PLA2G2F: variants seen among roughly 807,000 people sequenced by gnomAD.
PLA2G2F encodes group IIF secretory phospholipase A2.
A neutral mutation model predicts 15.9 loss-of-function variants in PLA2G2F; 17 were observed. The ratio of observed to expected loss-of-function variants is 1.07; its 90% confidence interval spans 0.73 to 1.60. The LOEUF is 1.60. Among genes scored for constraint, PLA2G2F ranks in the 40% most tolerant of loss-of-function variants. PLA2G2F has a pLI of 0.00. For missense variants in PLA2G2F, 299 were observed against 278.2 expected (o/e 1.07, Z -0.53); for synonymous variants, 119 against 106.5 (o/e 1.12, Z -0.72).
In PLA2G2F at chr1:20,143,206, CGTT is replaced by C. The variant is rs1308175068; in HGVS notation, c.170-236_170-234del. 3 of 487,354 alleles carry C rather than the reference CGTT, an allele frequency of 6.2e-6. No homozygotes were observed. In the Admixed American group the frequency reaches 1.0e-4, roughly 17 times the overall value. 30.2% of individuals were successfully genotyped at this position (487,354 alleles called of 1,614,324 possible). On this transcript the variant is annotated intron_variant, in intron 2 of 4. Coordinates refer to ENST00000375102, the MANE Select transcript of PLA2G2F (RefSeq NM_022819.4). ...GCAAGTCCCTAGCAAGGATGACCTG[CGTT>C]GTTTTCTCAGGGCCGCAGGGATGTG...
rs1263674472 is a variant in PLA2G2F at position 20,150,181 on chromosome 1, C to T, written c.*1780C>T. The T allele has an allele frequency of 5.9e-5, 9 of 152,214 alleles. No homozygotes were observed. Among genetic ancestry groups the T allele is most frequent in the Admixed American group, 5.2e-4 (8 of 15,294 alleles). 9.4% of individuals were successfully genotyped at this position (152,214 alleles called of 1,614,324 possible). A position where few individuals can be genotyped will look rare whatever the true frequency, so the allele number is the denominator to read the frequency against. ...TCTCCGGCTTGGGGGAACGCAGGTTCCCAGCTGCGCCCCTCCCCCGCGCAC... is the reference window on the plus strand; with the variant it reads ...TCTCCGGCTTGGGGGAACGCAGGTTTCCAGCTGCGCCCCTCCCCCGCGCAC... On this transcript the variant is annotated 3_prime_UTR_variant, in exon 5 of 5. Coordinates refer to ENST00000375102, the MANE Select transcript of PLA2G2F (RefSeq NM_022819.4).
chr1:20,144,742 A>C (rs1569899143), intron 4 of PLA2G2F, 53 bp downstream of exon 4: 1 of 1,414,682 alleles, frequency 7.1e-7, no homozygotes. Context: ...GGCTGGCTCT[A>C]CCAGCCTGTG....
intron 4 of PLA2G2F, among the ~76,000 whole-genome samples, chr1:20,147,091 G>C (rs936068285): frequency 2.0e-5 from 3 of 152,164 alleles, no homozygotes; most frequent in Non-Finnish European, 4.4e-5. Context: ...CTGGTAGAAG[G>C]TATGAAAAGT....
rs866174679 is a variant in PLA2G2F, at chr1:20,140,133, T to C, written c.117-33T>C. The C allele has an allele frequency of 4.3e-6, 7 of 1,610,468 alleles. 1 individual carries two copies. The African/African-American group carries it at 6.7e-5, about 15-fold the overall frequency. ...CCAACACTGCCAAGGGTGGAGGGGATGGACTCAAGCTCCGGGTTTCGTCCT... is the reference window on the plus strand; with the variant it reads ...CCAACACTGCCAAGGGTGGAGGGGACGGACTCAAGCTCCGGGTTTCGTCCT... On this transcript the variant is annotated intron_variant, in intron 1 of 4. Transcript: ENST00000375102.
At chr1:20,145,443 AG>A (rs1489686729) in intron 4 of PLA2G2F, among the ~76,000 whole-genome samples, 4 of 151,856 alleles carry the variant, frequency 2.6e-5, no homozygotes, top group Admixed American at 2.6e-4. Context: ...CACCATGCCC[AG>A]CTACTTTTTA....
At position 20,143,426 on chromosome 1, in the gene PLA2G2F, A is replaced by T; in HGVS notation, c.170-20A>T. The T allele has an allele frequency of 6.2e-7, 1 of 1,609,856 alleles. No homozygotes were observed. The highest frequency in any genetic ancestry group is 8.5e-7 in the Non-Finnish European group (1 of 1,177,098). ...CAGCCCCGGGGCAGGGGCTCAGAGCACCCCCTGGTTCTCTTGCAGTTCTGT... is the reference window on the plus strand; with the variant it reads ...CAGCCCCGGGGCAGGGGCTCAGAGCTCCCCCTGGTTCTCTTGCAGTTCTGT... On this transcript the variant is annotated intron_variant, in intron 2 of 4. Coordinates refer to ENST00000375102, the MANE Select transcript of PLA2G2F (RefSeq NM_022819.4).
intron 2 of PLA2G2F, chr1:20,142,385 T>C (rs1056227736): frequency 1.3e-5 from 2 of 152,298 alleles, no homozygotes; most frequent in Admixed American, 1.3e-4. Context: ...CATAAAATCG[T>C]GATAGATTGG....
At chr1:20,140,030 C>T (rs553024352) in intron 1 of PLA2G2F, 136 bp from the exon 2 acceptor site, 88 of 914,714 alleles carry the variant, frequency 9.6e-5, no homozygotes, top group East Asian at 4.8e-4. Context: ...CTGATGACAG[C>T]GCTAGGAGCA....
intron 2 of PLA2G2F, 30 bp downstream of exon 2, chr1:20,140,248 TC>T: frequency 6.2e-7 from 1 of 1,609,578 alleles, no homozygotes; most frequent in African/African-American, 1.3e-5. Context: ...GGCTCCTCCT[TC>T]TCTCCCACTC....
chr1:20,144,651 A>G lies in PLA2G2F; in HGVS notation c.386A>G (p.Tyr129Cys). 1 of 1,611,588 alleles carries G rather than the reference A, an allele frequency of 6.2e-7. No individual in the cohort carries two copies. The highest frequency in any genetic ancestry group is 1.1e-5 in the South Asian group (1 of 90,384). ...DQGCHPYVDH[Y>C]DHTIENNTEI... Reference sequence around the variant, plus strand: ...GGCTGTCACCCCTATGTGGACCACTATGATCACACCATCGAGAACAACACT... The same window carrying G: ...GGCTGTCACCCCTATGTGGACCACTGTGATCACACCATCGAGAACAACACT... The change falls in exon 4 of 5, where the codon TAT becomes TGT. Residue 129 changes from tyrosine (Y) to cysteine (C), a missense_variant. Tyr to Cys is a radical substitution (Grantham distance 194). Transcript: ENST00000375102.
At position 20,148,279 on chromosome 1, in the gene PLA2G2F, G is replaced by A. The variant is rs1557778528; in HGVS notation, c.514G>A (p.Glu172Lys). ...CCTCATGAACCAGACGTACCGAGAG[G>A]AGTACCGTGGCTTCCTCAATGTCTA... ...LCLMNQTYRE[E>K]YRGFLNVYCQ... The change falls in exon 5 of 5, where the codon GAG becomes AAG. Residue 172 changes from glutamate (E) to lysine (K), a missense_variant. By Grantham distance (56) the Glu-to-Lys change is moderately conservative (BLOSUM62 1). Coordinates refer to ENST00000375102, the MANE Select transcript of PLA2G2F (RefSeq NM_022819.4). 6 of 1,613,930 alleles carry A rather than the reference G, an allele frequency of 3.7e-6. No individual in the cohort carries two copies. Among genetic ancestry groups the A allele is most frequent in the Non-Finnish European group, 5.1e-6 (6 of 1,179,996 alleles).
chr1:20,140,227 A>C lies in PLA2G2F; in HGVS notation c.169+9A>C, dbSNP rs1276507288. The C allele has an allele frequency of 6.2e-7, 1 of 1,613,566 alleles. No individual in the cohort carries two copies. The highest frequency in any genetic ancestry group is 1.7e-5 in the Admixed American group (1 of 59,956). On this transcript the variant is annotated intron_variant, in intron 2 of 4. Coordinates refer to ENST00000375102, the MANE Select transcript of PLA2G2F (RefSeq NM_022819.4). ...CATCCTTGCTGGCAGCGGTGAGTAA[A>C]GACTCCAGAGGGCTCCTCCTTCTCT...
At chr1:20,140,351 T>A in intron 2 of PLA2G2F, 133 bp downstream of exon 2, 1 of 969,564 alleles carries the variant, frequency 1.0e-6, no homozygotes, top group Non-Finnish European at 1.5e-6. Flanking sequence ...GCTTCTTGTC[T>A]CAGCCCAGCA....
Position 20,139,383 on chromosome 1 carries a change from C to T in PLA2G2F, c.-45C>T, listed in dbSNP as rs1302286152. 1.4e-6 allele frequency: 2 copies of T among 1,467,078 alleles called. No homozygotes were observed. Among genetic ancestry groups the T allele is most frequent in the South Asian group, 1.2e-5 (1 of 82,162 alleles). The allele number at this position is 1,467,078 out of a possible 1,614,324, so 90.9% of individuals were successfully genotyped here. ...TCCCCGCAGCCTCTGGAGCGCATCT[C>T]AGACCTTCTGAGACCTATGTTGCTG... On this transcript the variant is annotated 5_prime_UTR_variant, in exon 1 of 5. Transcript: ENST00000375102.
chr1:20,139,387 C>T lies in PLA2G2F; in HGVS notation c.-41C>T. The T allele has an allele frequency of 6.8e-7, 1 of 1,464,956 alleles. No homozygotes were observed. 90.7% of individuals were successfully genotyped at this position (1,464,956 alleles called of 1,614,324 possible). A position where few individuals can be genotyped will look rare whatever the true frequency, so the allele number is the denominator to read the frequency against. On this transcript the variant is annotated 5_prime_UTR_variant, in exon 1 of 5. Transcript: ENST00000375102. ...CGCAGCCTCTGGAGCGCATCTCAGA[C>T]CTTCTGAGACCTATGTTGCTGGCCC... is the stretch of plus-strand genomic sequence containing the variant.
intron 3 of PLA2G2F, chr1:20,144,082 T>C (rs1404419044): frequency 5.4e-6 from 1 of 184,906 alleles, no homozygotes; most frequent in Non-Finnish European, 1.1e-5. Flanking sequence ...ACTAGCTGAC[T>C]TCACGCCCCC....
intron 4 of PLA2G2F, 149 bp from the exon 5 acceptor site, chr1:20,148,041 C>T (rs990052168): frequency 1.5e-6 from 1 of 676,650 alleles, no homozygotes; most frequent in Admixed American, 2.3e-5. Flanking sequence ...GGGGTGGGGC[C>T]CGTGGGTGGT....
At chr1:20,146,727 T>G (rs937618795) in intron 4 of PLA2G2F, among the ~76,000 whole-genome samples, 15 of 152,208 alleles carry the variant, frequency 9.9e-5, no homozygotes, top group African/African-American at 3.6e-4. Context: ...GGGGTGCACT[T>G]GGGACCCCTT....
Position 20,139,476 on chromosome 1 carries a change from C to A in PLA2G2F, c.49C>A (p.Leu17Met). Residue 17 changes from leucine to methionine, a missense_variant, in exon 1 of 5, where the codon CTG becomes ATG. By Grantham distance (15) the Leu-to-Met change is conservative. Coordinates refer to ENST00000375102, the MANE Select transcript of PLA2G2F (RefSeq NM_022819.4). ...ANPKGFKKKV[L>M]DRCFSGWRGP... ...CCCCAAAGGGTTCAAAAAGAAGGTG[C>A]TGGATAGATGCTTCTCTGGGTGGAG... is the stretch of plus-strand genomic sequence containing the variant. 1 of 1,582,814 alleles carries A rather than the reference C, an allele frequency of 6.3e-7. No homozygotes were observed. The highest frequency in any genetic ancestry group is 1.2e-5 in the South Asian group (1 of 86,414).
Sources: allele counts gnomAD v4.1 joint callset (sites outside exome capture counted in the v4.1 genomes callset), GRCh38; gene constraint gnomAD v4.1.1; transcripts MANE v1.5; gene names NCBI Gene and HGNC (gene_info 2026-07-23, HGNC 2026-07-21).